Variants in GALNTL6 observed in about 807,000 individuals in gnomAD.
GALNTL6 encodes polypeptide N-acetylgalactosaminyltransferase-like 6.
A neutral mutation model predicts 73.7 loss-of-function variants in GALNTL6; 46 were observed. That is an observed-to-expected ratio of 0.62 (90% CI 0.49 to 0.80). The LOEUF is 0.80. Among genes scored for constraint, GALNTL6 ranks in the 30% least tolerant of loss-of-function variants. The probability of loss-of-function intolerance (pLI) is 0.00; values close to 1 mark genes in which losing one functional copy is unlikely to be tolerated. For synonymous variants in GALNTL6, 259 were observed against 263.7 expected (o/e 0.98, Z 0.17); for missense variants, 604 against 755.0 (o/e 0.80, Z 2.34).
intron 2 of GALNTL6, among the ~76,000 whole-genome samples, chr4:172,227,069 G>T (rs1032673788): frequency 2.0e-5 from 3 of 152,060 alleles, no homozygotes; most frequent in African/African-American, 2.4e-5. Context: ...ATCTTTTGCT[G>T]CCTATTCATA....
At chr4:173,030,953 G>A (rs1182413666) in intron 12 of GALNTL6, among the ~76,000 whole-genome samples, 1 of 151,850 alleles carries the variant, frequency 6.6e-6, no homozygotes, top group Non-Finnish European at 1.5e-5. Flanking sequence ...AGTGAGTCAT[G>A]CCACTGCACT....
At chr4:172,805,812 TG>T in intron 5 of GALNTL6, among the ~76,000 whole-genome samples, 1 of 152,246 alleles carries the variant, frequency 6.6e-6, no homozygotes. Context: ...GTCTTTTGTC[TG>T]ACATTTGCTT....
chr4:171,998,461 G>T (rs144079333), intron 2 of GALNTL6, among the ~76,000 whole-genome samples: 483 of 152,118 alleles, frequency 3.2e-3, no homozygotes, highest in Non-Finnish European at 5.2e-3. Context: ...GTTAGACTGG[G>T]TTATGGCCCA....
Position 172,616,816 on chromosome 4 carries a change from T to C in GALNTL6, c.554-192545T>C, listed in dbSNP as rs551027184. ...GCACCACGTCCCTCAGTGGGCTGAA[T>C]CTTCATGAGTTTCTTTTCATGAAGA... On this transcript the variant is annotated intron_variant, in intron 5 of 12. Coordinates refer to ENST00000506823, the MANE Select transcript of GALNTL6 (RefSeq NM_001034845.3). Among the ~76,000 whole-genome samples the C allele has an allele frequency of 2.1e-4, 32 of 152,180 alleles. No homozygotes were observed. In the South Asian group the frequency reaches 5.2e-3, roughly 25 times the overall value.
chr4:172,648,591 C>T (rs181200750), intron 5 of GALNTL6, among the ~76,000 whole-genome samples: 55 of 151,938 alleles, frequency 3.6e-4, no homozygotes, highest in African/African-American at 1.1e-3. Flanking sequence ...ATTTTAAGTC[C>T]AAAAAAATCA....
intron 5 of GALNTL6, among the ~76,000 whole-genome samples, chr4:172,769,042 T>C (rs566917421): frequency 1.3e-3 from 195 of 152,212 alleles, no homozygotes; most frequent in Admixed American, 0.011. Context: ...GTGTAGAATA[T>C]ATTTAAAGTA....
At chr4:172,547,233 A>G (rs538575411) in intron 5 of GALNTL6, among the ~76,000 whole-genome samples, 2 of 152,186 alleles carry the variant, frequency 1.3e-5, no homozygotes, top group South Asian at 2.1e-4. Context: ...GTCCCTGCCT[A>G]TAATGCCATC....
intron 12 of GALNTL6, 24 bp from the exon 13 acceptor site, chr4:173,039,909 T>G (rs757197648): frequency 1.3e-6 from 2 of 1,592,108 alleles, no homozygotes; most frequent in Non-Finnish European, 1.7e-6. Flanking sequence ...CAACAGTCTT[T>G]TCTTTTCTTC....
chr4:172,405,424 TATATATATATA>T (rs1561068126), intron 5 of GALNTL6, among the ~76,000 whole-genome samples: 1 of 3,008 alleles, frequency 3.3e-4, no homozygotes, highest in East Asian at 8.5e-3. Context: ...TATATATATA[TATATATATATA>T]TATATATATT....
intron 3 of GALNTL6, among the ~76,000 whole-genome samples, chr4:172,265,246 G>A (rs962723567): frequency 2.6e-5 from 4 of 151,910 alleles, no homozygotes; most frequent in African/African-American, 4.8e-5. Flanking sequence ...AACCAGAGAC[G>A]TATTACAAAG....
intron 5 of GALNTL6, among the ~76,000 whole-genome samples, chr4:172,576,296 C>T (rs146962148): frequency 1.3e-3 from 192 of 152,270 alleles, no homozygotes; most frequent in African/African-American, 4.3e-3. Context: ...AGGGACAATC[C>T]GCTTCTGGTT....
At chr4:172,095,587 G>C (rs1051114623) in intron 2 of GALNTL6, among the ~76,000 whole-genome samples, 1 of 152,150 alleles carries the variant, frequency 6.6e-6, no homozygotes, top group African/African-American at 2.4e-5. Flanking sequence ...TATTGTGAGA[G>C]ATTAACAAAG....
chr4:172,477,084 G>C (rs1733265796), intron 5 of GALNTL6, among the ~76,000 whole-genome samples: 1 of 151,204 alleles, frequency 6.6e-6, no homozygotes, highest in Non-Finnish European at 1.5e-5. Flanking sequence ...ACCACGCCCG[G>C]CTAATTTCTT....
intron 5 of GALNTL6, among the ~76,000 whole-genome samples, chr4:172,642,017 A>G (rs960449950): frequency 2.0e-5 from 3 of 152,134 alleles, no homozygotes; most frequent in Non-Finnish European, 4.4e-5. Flanking sequence ...GAAAATTAAA[A>G]CTACAGTGAA....
chr4:171,962,885 A>G (rs1359352081), intron 2 of GALNTL6, among the ~76,000 whole-genome samples: 2 of 144,246 alleles, frequency 1.4e-5, no homozygotes, highest in African/African-American at 5.2e-5. Context: ...GTCCTGCCCC[A>G]GCTTCTCAGA....
At chr4:172,547,855 T>C (rs1198872851) in intron 5 of GALNTL6, among the ~76,000 whole-genome samples, 1 of 152,148 alleles carries the variant, frequency 6.6e-6, no homozygotes, top group African/African-American at 2.4e-5. Flanking sequence ...AAGTCAACCT[T>C]CCCAGAAGCT....
intron 5 of GALNTL6, among the ~76,000 whole-genome samples, chr4:172,534,834 G>A (rs1177081391): frequency 6.6e-6 from 1 of 152,120 alleles, no homozygotes; most frequent in African/African-American, 2.4e-5. Flanking sequence ...CCAAAGTACT[G>A]GGATTACAGG....
chr4:172,631,434 T>C (rs1005421577), intron 5 of GALNTL6, among the ~76,000 whole-genome samples: 5 of 152,152 alleles, frequency 3.3e-5, no homozygotes, highest in Non-Finnish European at 4.4e-5. Context: ...CGTGAGCCAC[T>C]GTACCTGGCC....
chr4:172,625,133 T>A (rs1019619640), intron 5 of GALNTL6, among the ~76,000 whole-genome samples: 1 of 151,996 alleles, frequency 6.6e-6, no homozygotes, highest in Non-Finnish European at 1.5e-5. Context: ...GCTGCCTACA[T>A]TATAGGGACA....
Sources: gnomAD v4.1 joint callset for allele counts (sites outside exome capture counted in the v4.1 genomes callset) on GRCh38, gnomAD v4.1.1 for gene constraint, MANE v1.5 for transcripts, NCBI Gene and HGNC (gene_info 2026-07-23, HGNC 2026-07-21) for gene names.